Variants in SH3KBP1 observed in about 807,000 individuals in gnomAD.
SH3KBP1 encodes SH3 domain containing kinase binding protein 1, also known as SH3 domain-containing kinase-binding protein 1.
SH3KBP1 carries 8 observed loss-of-function variants against 50.1 expected under a neutral mutation model. The ratio of observed to expected loss-of-function variants is 0.16; its 90% CI spans 0.09 to 0.29. SH3KBP1 has a LOEUF of 0.29. Among genes scored for constraint, SH3KBP1 ranks in the 10% least tolerant of loss-of-function variants. SH3KBP1 has a pLI of 1.00. For missense variants in SH3KBP1, 377 were observed against 535.2 expected (o/e 0.70, Z 2.92); for synonymous variants, 227 against 218.6 (o/e 1.04, Z -0.34).
At chrX:19,597,522 A>G (rs1190576422) in intron 9 of SH3KBP1, among the ~76,000 whole-genome samples, 3 of 111,962 alleles carry the variant, frequency 2.7e-5, no homozygotes, top group East Asian at 2.8e-4. Flanking sequence ...CCCAGGCTCA[A>G]GAGATCCTCT....
At chrX:19,845,108 G>A (rs2068330920) in intron 1 of SH3KBP1, among the ~76,000 whole-genome samples, 1 of 109,668 alleles carries the variant, frequency 9.1e-6, no homozygotes, top group Non-Finnish European at 1.9e-5. Context: ...AGATAGACTG[G>A]ATAAAAATAA....
At chrX:19,714,848 A>C (rs975108634) in intron 3 of SH3KBP1, among the ~76,000 whole-genome samples, 2 of 112,517 alleles carry the variant, frequency 1.8e-5, no homozygotes, top group African/African-American at 6.5e-5. Context: ...ATAGCATGTT[A>C]ATGTTACATT....
intron 1 of SH3KBP1, among the ~76,000 whole-genome samples, chrX:19,873,899 A>G (rs190121435): frequency 0.01 from 1,081 of 103,031 alleles, 22 homozygotes; most frequent in African/African-American, 0.037. Context: ...AAATACAAAA[A>G]TTAGCCAGGC....
chrX:19,590,479 C>T (rs12841684), intron 11 of SH3KBP1, among the ~76,000 whole-genome samples: 10 of 111,182 alleles, frequency 9.0e-5, no homozygotes, highest in African/African-American at 2.3e-4. Context: ...GATGTGGGGC[C>T]ACTTGGTCAG....
At chrX:19,829,563 A>T (rs1047118739) in intron 2 of SH3KBP1, among the ~76,000 whole-genome samples, 3 of 109,450 alleles carry the variant, frequency 2.7e-5, no homozygotes, top group Non-Finnish European at 5.7e-5. Flanking sequence ...CCTGGCCAAC[A>T]TGTGAAACCC....
intron 2 of SH3KBP1, among the ~76,000 whole-genome samples, chrX:19,809,028 A>G (rs1267399732): frequency 1.8e-5 from 2 of 111,849 alleles, no homozygotes; most frequent in African/African-American, 6.5e-5. Flanking sequence ...ATGGTTCAGT[A>G]ACATTTCAAA....
intron 13 of SH3KBP1, among the ~76,000 whole-genome samples, chrX:19,562,511 A>T (rs1267209366): frequency 2.7e-5 from 3 of 111,631 alleles, no homozygotes; most frequent in African/African-American, 9.8e-5. Context: ...GACTACTTTG[A>T]ATCCACTGGG....
At chrX:19,677,023 T>G (rs1602970714) in intron 6 of SH3KBP1, among the ~76,000 whole-genome samples, 1 of 112,102 alleles carries the variant, frequency 8.9e-6, no homozygotes, top group Non-Finnish European at 1.9e-5. Flanking sequence ...TGGCAAACCA[T>G]TCAGTTTAGA....
chrX:19,799,243 C>T (rs1025558806), intron 2 of SH3KBP1, among the ~76,000 whole-genome samples: 1 of 111,481 alleles, frequency 9.0e-6, no homozygotes, highest in Non-Finnish European at 1.9e-5. Context: ...TGGATGCCTG[C>T]AGGGGGTTTG....
chrX:19,545,364 C>T (rs1169050755), intron 15 of SH3KBP1, among the ~76,000 whole-genome samples: 1 of 112,292 alleles, frequency 8.9e-6, no homozygotes, highest in Non-Finnish European at 1.9e-5. Context: ...CCTTGTTTCT[C>T]ATAAACTAAT....
At chrX:19,757,548 A>T (rs1454858466) in intron 2 of SH3KBP1, among the ~76,000 whole-genome samples, 1 of 95,695 alleles carries the variant, frequency 1.0e-5, no homozygotes, top group African/African-American at 4.3e-5. Flanking sequence ...CCATTTGTCT[A>T]TATTATCTTA....
intron 2 of SH3KBP1, among the ~76,000 whole-genome samples, chrX:19,816,823 T>C (rs894201520): frequency 5.4e-5 from 6 of 111,728 alleles, no homozygotes; most frequent in African/African-American, 1.9e-4. Flanking sequence ...GTTTTTGGTA[T>C]GATATCTAAG....
At chrX:19,560,477 A>G (rs781568612) in intron 13 of SH3KBP1, among the ~76,000 whole-genome samples, 1 of 111,570 alleles carries the variant, frequency 9.0e-6, no homozygotes, top group South Asian at 3.8e-4. Context: ...TTTTTTGTAG[A>G]GACAGAGTAT....
Position 19,542,246 on chromosome X carries a change from T to C in SH3KBP1, c.1624-53A>G. 5.5e-6 allele frequency: 6 copies of C among 1,093,775 alleles called. No individual in the cohort carries two copies. In the Middle Eastern group the frequency reaches 1.1e-3, roughly 202 times the overall value. 90.1% of individuals were successfully genotyped at this position (1,093,775 alleles called of 1,213,427 possible). A position where few individuals can be genotyped will look rare whatever the true frequency, so the allele number is the denominator to read the frequency against. On this transcript the variant is annotated intron_variant, in intron 15 of 17. Transcript: ENST00000397821. The stretch of plus-strand genomic sequence containing the variant: ...CAGGGCCGGGGATTTGTGTGCTGCG[T>C]CTTTGTCCTGGTTAGTCAAACTCTC...
At position 19,777,911 on chromosome X, in the gene SH3KBP1, A is replaced by T. The variant is rs752851458; in HGVS notation, c.163-31470T>A. ...CAAGCCCTCCAGGAGGTTCTAACGTATGCTCTGGTGTGAGAGTCACCACCC... is the reference window on the plus strand; with the variant it reads ...CAAGCCCTCCAGGAGGTTCTAACGTTTGCTCTGGTGTGAGAGTCACCACCC... On this transcript the variant is annotated intron_variant, in intron 2 of 17. Transcript: ENST00000397821. 1.3e-4 allele frequency among the ~76,000 whole-genome samples: 14 copies of T among 111,224 alleles called. No individual in the cohort carries two copies. The South Asian group carries it at 2.3e-3, about 18-fold the overall frequency.
chrX:19,887,381 C>A lies in SH3KBP1; in HGVS notation c.-71G>T. On this transcript the variant is annotated 5_prime_UTR_variant, in exon 1 of 18. Coordinates refer to ENST00000397821, the MANE Select transcript of SH3KBP1 (RefSeq NM_031892.3). ...GGAGGCGGGCGTGGGGGTTGGGGCG[C>A]CGGGATCGGGGCGCTGGGATCCAGG... 1 of 884,911 alleles carries A rather than the reference C, an allele frequency of 1.1e-6. No individual in the cohort carries two copies. The highest frequency in any genetic ancestry group is 1.4e-6 in the Non-Finnish European group (1 of 707,223). 72.9% of individuals were successfully genotyped at this position (884,911 alleles called of 1,213,427 possible). A position where few individuals can be genotyped will look rare whatever the true frequency, so the allele number is the denominator to read the frequency against.
At chrX:19,729,557 A>C (rs2064313200) in intron 3 of SH3KBP1, among the ~76,000 whole-genome samples, 1 of 112,513 alleles carries the variant, frequency 8.9e-6, no homozygotes, top group African/African-American at 3.2e-5. Context: ...AAAGGTTTAG[A>C]GTTAAACTGC....
chrX:19,690,060 CTTTTT>C (rs1288057221), intron 5 of SH3KBP1, among the ~76,000 whole-genome samples: 1 of 64,455 alleles, frequency 1.6e-5, no homozygotes. Flanking sequence ...CTCTCTCTCT[CTTTTT>C]TTTTTTTTTT....
chrX:19,859,471 C>A (rs1204826786), intron 1 of SH3KBP1, among the ~76,000 whole-genome samples: 1 of 112,144 alleles, frequency 8.9e-6, no homozygotes, highest in Non-Finnish European at 1.9e-5. Context: ...TCAATCATAA[C>A]TAAAGACAGG....
Sources: allele counts gnomAD v4.1 joint callset (sites outside exome capture counted in the v4.1 genomes callset), GRCh38; gene constraint gnomAD v4.1.1; transcripts MANE v1.5; gene names NCBI Gene and HGNC (gene_info 2026-07-23, HGNC 2026-07-21).